POFUT3: variants seen among roughly 807,000 people sequenced by gnomAD.
POFUT3 encodes protein O-fucosyltransferase 3.
chr8:33,309,167 A>AAATATAT, the POFUT3 span, among the ~76,000 whole-genome samples: 2 of 53,690 alleles, frequency 3.7e-5, no homozygotes, highest in African/African-American at 9.2e-5. Context: ...AAAAAAAAAA[A>AAATATAT]ATATATATAT....
chr8:33,454,616 C>A, the POFUT3 span, among the ~76,000 whole-genome samples: 1 of 151,814 alleles, frequency 6.6e-6, no homozygotes, highest in Non-Finnish European at 1.5e-5. Flanking sequence ...ACACTTAGAA[C>A]AAATACATTT....
chr8:33,443,387 C>A, the POFUT3 span, among the ~76,000 whole-genome samples: 191 of 152,342 alleles, frequency 1.3e-3, 8 homozygotes, highest in South Asian at 0.034. Context: ...CCGATTTTCA[C>A]AGGCCAGAGC....
chr8:33,378,987 G>A, the POFUT3 span, among the ~76,000 whole-genome samples: 2 of 152,032 alleles, frequency 1.3e-5, no homozygotes, highest in Admixed American at 6.6e-5. Flanking sequence ...GGAAGTGATT[G>A]GATCATGGGG....
At chr8:33,430,252 GT>G in the POFUT3 span, among the ~76,000 whole-genome samples, 6 of 152,234 alleles carry the variant, frequency 3.9e-5, no homozygotes, top group African/African-American at 1.4e-4. Flanking sequence ...AAGTAACTTG[GT>G]TGCCCCAAAA....
chr8:33,408,647 A>T, the POFUT3 span, among the ~76,000 whole-genome samples: 1 of 152,170 alleles, frequency 6.6e-6, no homozygotes, highest in Non-Finnish European at 1.5e-5. Flanking sequence ...TCCTGATTGG[A>T]AAATAGAGGA....
At chr8:33,425,902 CAAA>C in the POFUT3 span, among the ~76,000 whole-genome samples, 5 of 106,208 alleles carry the variant, frequency 4.7e-5, no homozygotes. Context: ...AACTCCATCT[CAAA>C]AAAAAAAAAA....
At chr8:33,372,566 C>A in the POFUT3 span, 1 of 1,611,342 alleles carries the variant, frequency 6.2e-7, no homozygotes, top group Middle Eastern at 1.7e-4. Context: ...TCATTCTGAT[C>A]ATTTTTGAAA....
At chr8:33,376,673 G>A in the POFUT3 span, among the ~76,000 whole-genome samples, 1 of 152,188 alleles carries the variant, frequency 6.6e-6, no homozygotes, top group East Asian at 1.9e-4. Context: ...AATTGAAATT[G>A]CAAACCATTA....
the POFUT3 span, among the ~76,000 whole-genome samples, chr8:33,335,938 A>C: frequency 1.3e-5 from 2 of 151,992 alleles, no homozygotes; most frequent in African/African-American, 4.8e-5. Context: ...AGCAGAAGAG[A>C]TGGAGGAGGA....
At chr8:33,407,345 A>T in the POFUT3 span, among the ~76,000 whole-genome samples, 3 of 152,222 alleles carry the variant, frequency 2.0e-5, no homozygotes, top group Admixed American at 2.0e-4. Context: ...TTGAAAAATT[A>T]AACTGACTTC....
chr8:33,371,281 A>G, the POFUT3 span: 1 of 152,194 alleles, frequency 6.6e-6, no homozygotes, highest in Non-Finnish European at 1.5e-5. Context: ...ATAAGGAGGT[A>G]TTGGTTTTGG....
At chr8:33,315,720 G>A in the POFUT3 span, among the ~76,000 whole-genome samples, 2 of 152,092 alleles carry the variant, frequency 1.3e-5, no homozygotes, top group African/African-American at 2.4e-5. Flanking sequence ...GTCATGCTCT[G>A]AGATTCTATG....
chr8:33,348,581 C>T, the POFUT3 span, among the ~76,000 whole-genome samples: 1 of 152,086 alleles, frequency 6.6e-6, no homozygotes, highest in Non-Finnish European at 1.5e-5. Context: ...GGTAATTACA[C>T]AGGAGAAATA....
chr8:33,318,719 T>G, the POFUT3 span, among the ~76,000 whole-genome samples: 1 of 75,740 alleles, frequency 1.3e-5, no homozygotes, highest in Non-Finnish European at 2.2e-5. Context: ...ATAAATATAT[T>G]GTATATATAT....
the POFUT3 span, among the ~76,000 whole-genome samples, chr8:33,311,937 G>A: frequency 6.6e-6 from 1 of 152,086 alleles, no homozygotes; most frequent in African/African-American, 2.4e-5. Flanking sequence ...CTGAATTAAG[G>A]CAGGCTCTAA....
At chr8:33,321,309 C>G in the POFUT3 span, among the ~76,000 whole-genome samples, 1 of 152,224 alleles carries the variant, frequency 6.6e-6, no homozygotes. Context: ...GAAGATACAG[C>G]TGAAGGGTTT....
chr8:33,430,009 AAAAG>A, the POFUT3 span, among the ~76,000 whole-genome samples: 63 of 151,936 alleles, frequency 4.1e-4, no homozygotes, highest in Admixed American at 7.9e-4. Flanking sequence ...AAAAAAAAAA[AAAAG>A]AAAGACTCCA....
chr8:33,363,644 CTA>C, the POFUT3 span, among the ~76,000 whole-genome samples: 1 of 152,314 alleles, frequency 6.6e-6, no homozygotes, highest in Non-Finnish European at 1.5e-5. Context: ...ATAAACACCT[CTA>C]TGCAAATAAA....
chr8:33,356,595 C>T, the POFUT3 span, among the ~76,000 whole-genome samples: 554 of 151,896 alleles, frequency 3.6e-3, 8 homozygotes, highest in African/African-American at 0.012. Flanking sequence ...GAGTAGGTTG[C>T]GAAAATTTTC....
Sources: gnomAD v4.1 joint callset for allele counts (sites outside exome capture counted in the v4.1 genomes callset) on GRCh38, gnomAD v4.1.1 for gene constraint, MANE v1.5 for transcripts, NCBI Gene and HGNC (gene_info 2026-07-23, HGNC 2026-07-21) for gene names.